Variants in CYP2J2 observed in about 807,000 individuals in gnomAD.
CYP2J2 encodes the protein cytochrome P450 family 2 subfamily J member 2, also known as cytochrome P450 2J2.
A neutral mutation model predicts 48.8 loss-of-function variants in CYP2J2; 41 were observed. The observed-to-expected ratio is 0.84, with a 90% CI of 0.66 to 1.09. The LOEUF (loss-of-function observed/expected upper bound fraction) is 1.09. CYP2J2 is among the 50% of genes least tolerant of loss of function. The pLI is 0.00. For synonymous variants in CYP2J2, 221 were observed against 227.1 expected, an observed-to-expected ratio of 0.97 and a Z score of 0.24; for missense variants, 644 against 617.3, an observed-to-expected ratio of 1.04 and a Z score of -0.46.
the CYP2J2 span, among the ~76,000 whole-genome samples, chr1:59,962,753 G>T: frequency 6.6e-6 from 1 of 152,134 alleles, no homozygotes; most frequent in African/African-American, 2.4e-5. Context: ...TAAAATCTGG[G>T]TATCCTTGAG....
At chr1:59,940,679 A>G in the CYP2J2 span, among the ~76,000 whole-genome samples, 6 of 152,230 alleles carry the variant, frequency 3.9e-5, no homozygotes, top group Non-Finnish European at 7.3e-5. Context: ...CCACTGCACT[A>G]TTAGTAATAG....
chr1:59,962,196 A>C, the CYP2J2 span, among the ~76,000 whole-genome samples: 1 of 152,226 alleles, frequency 6.6e-6, no homozygotes, highest in African/African-American at 2.4e-5. Flanking sequence ...CATGTTTCCC[A>C]AAAATTTATC....
At chr1:59,962,078 A>G in the CYP2J2 span, among the ~76,000 whole-genome samples, 1 of 152,152 alleles carries the variant, frequency 6.6e-6, no homozygotes, top group East Asian at 1.9e-4. Flanking sequence ...TATACCAAAA[A>G]CATTTAATTG....
At chr1:59,964,028 C>G in the CYP2J2 span, among the ~76,000 whole-genome samples, 1 of 152,136 alleles carries the variant, frequency 6.6e-6, no homozygotes, top group Admixed American at 6.5e-5. Flanking sequence ...CTACTGATGA[C>G]AGTCTGTGTC....
chr1:59,955,824 G>T, the CYP2J2 span, among the ~76,000 whole-genome samples: 1 of 152,138 alleles, frequency 6.6e-6, no homozygotes, highest in Non-Finnish European at 1.5e-5. Flanking sequence ...GAAAAGGAAA[G>T]GCTGGGGAAA....
chr1:59,893,939 G>A (rs1644247101), intron 8 of CYP2J2, 110 bp from the exon 9 acceptor site: 6 of 1,031,644 alleles, frequency 5.8e-6, no homozygotes, highest in Middle Eastern at 2.2e-4. Flanking sequence ...GGAAGGGCCT[G>A]TAGGCCCCAG....
chr1:59,922,664 A>G (rs1644528313), intron 1 of CYP2J2, among the ~76,000 whole-genome samples: 1 of 152,200 alleles, frequency 6.6e-6, no homozygotes, highest in South Asian at 2.1e-4. Flanking sequence ...CAAGCTTCTT[A>G]TTCCAGATAA....
At position 59,893,386 on chromosome 1, in the gene CYP2J2, A is replaced by T. The variant is rs1036399318; in HGVS notation, c.*265T>A. On this transcript the variant is annotated 3_prime_UTR_variant, in exon 9 of 9. Coordinates refer to ENST00000371204, the MANE Select transcript of CYP2J2 (RefSeq NM_000775.4). The stretch of plus-strand genomic sequence containing the variant: ...ACCATTTCTTTTGATTCTTACAAGA[A>T]CTTTCTTTATGGAAGGAAACATTAT... 2.9e-6 allele frequency: 1 copy of T among 348,296 alleles called. No homozygotes were observed. The highest frequency in any genetic ancestry group is 5.1e-6 in the Non-Finnish European group (1 of 194,406). The allele number at this position is 348,296 out of a possible 1,614,324, so 21.6% of individuals were successfully genotyped here. A position where few individuals can be genotyped will look rare whatever the true frequency, so the allele number is the denominator to read the frequency against.
At chr1:59,968,464 G>A in the CYP2J2 span, among the ~76,000 whole-genome samples, 2 of 152,080 alleles carry the variant, frequency 1.3e-5, no homozygotes, top group Non-Finnish European at 2.9e-5. Context: ...CGCTTGGAGG[G>A]CCTGGAGTCC....
chr1:59,940,118 T>C, the CYP2J2 span, among the ~76,000 whole-genome samples: 1 of 152,160 alleles, frequency 6.6e-6, no homozygotes. Context: ...CCTTTATTTT[T>C]CCCTCACTTT....
At chr1:59,903,115 T>C (rs975455839) in intron 7 of CYP2J2, among the ~76,000 whole-genome samples, 4 of 152,154 alleles carry the variant, frequency 2.6e-5, no homozygotes, top group African/African-American at 9.7e-5. Flanking sequence ...CACTAAATGG[T>C]CAATCAGTAA....
chr1:59,925,719 T>C (rs1013439408), intron 1 of CYP2J2, among the ~76,000 whole-genome samples: 3 of 152,222 alleles, frequency 2.0e-5, no homozygotes, highest in Admixed American at 6.5e-5. Flanking sequence ...GTGTTTAAAG[T>C]ACTGCAGGCA....
intron 4 of CYP2J2, among the ~76,000 whole-genome samples, chr1:59,911,304 G>C (rs1442481632): frequency 6.6e-6 from 1 of 152,072 alleles, no homozygotes; most frequent in Admixed American, 6.6e-5. Context: ...AGAGAGGAGA[G>C]ACTCAAGGGC....
At chr1:59,917,229 C>A (rs1644474219) in intron 1 of CYP2J2, among the ~76,000 whole-genome samples, 2 of 152,120 alleles carry the variant, frequency 1.3e-5, no homozygotes, top group Non-Finnish European at 2.9e-5. Flanking sequence ...AGGCGCACAG[C>A]CACCCAGCGA....
chr1:59,961,007 C>T, the CYP2J2 span, among the ~76,000 whole-genome samples: 633 of 152,162 alleles, frequency 4.2e-3, 3 homozygotes, highest in African/African-American at 0.015. Context: ...AATCATATCC[C>T]TAAATATAGG....
At chr1:59,903,670 A>G (rs1644340183) in intron 7 of CYP2J2, among the ~76,000 whole-genome samples, 1 of 152,220 alleles carries the variant, frequency 6.6e-6, no homozygotes, top group African/African-American at 2.4e-5. Flanking sequence ...AATCTAAAAC[A>G]AAAGTTGAAA....
upstream of CYP2J2, among the ~76,000 whole-genome samples, chr1:59,930,302 T>G (rs1165347322): frequency 6.6e-6 from 1 of 152,156 alleles, no homozygotes; most frequent in Non-Finnish European, 1.5e-5. Context: ...GTAGTTCTAT[T>G]TCTTAATATT....
intron 2 of CYP2J2, among the ~76,000 whole-genome samples, chr1:59,914,488 C>A (rs1644446442): frequency 6.6e-6 from 1 of 152,146 alleles, no homozygotes; most frequent in Admixed American, 6.5e-5. Flanking sequence ...AACCTCTTTG[C>A]CCCAATCTCT....
chr1:59,926,496 G>T (rs752660982), intron 1 of CYP2J2, 41 bp downstream of exon 1: 4 of 1,552,290 alleles, frequency 2.6e-6, no homozygotes, highest in Admixed American at 1.7e-5. Context: ...GCAGAACAGA[G>T]TTAGGGTCAG....
Sources: gnomAD v4.1 joint callset for allele counts (sites outside exome capture counted in the v4.1 genomes callset) on GRCh38, gnomAD v4.1.1 for gene constraint, MANE v1.5 for transcripts, NCBI Gene and HGNC (gene_info 2026-07-23, HGNC 2026-07-21) for gene names.